Variants in VPS53 observed in about 807,000 individuals in gnomAD.
VPS53 encodes VPS53 subunit of GARP complex.
A neutral mutation model predicts 107.0 loss-of-function variants in VPS53; 70 were observed. The ratio of observed to expected loss-of-function variants is 0.65; its 90% CI spans 0.54 to 0.80. The LOEUF is 0.80. VPS53 is among the 30% of genes least tolerant of loss of function. VPS53 has a pLI of 0.00. For missense variants in VPS53, 917 were observed against 1,049.4 expected, an observed-to-expected ratio of 0.87 and a Z score of 1.74; for synonymous variants, 409 against 393.3, an observed-to-expected ratio of 1.04 and a Z score of -0.47.
chr17:678,651 T>TA (rs1194533551), intron 4 of VPS53, among the ~76,000 whole-genome samples: 73 of 148,200 alleles, frequency 4.9e-4, no homozygotes, highest in East Asian at 3.0e-3. Context: ...TATATATATA[T>TA]TTTTTTGAGA....
intron 4 of VPS53, among the ~76,000 whole-genome samples, chr17:662,820 AG>A (rs1365573833): frequency 1.2e-3 from 178 of 148,444 alleles, no homozygotes; most frequent in Middle Eastern, 3.4e-3. Flanking sequence ...AAAGAAAGAA[AG>A]AGAAAGAGAA....
At chr17:599,291 C>T (rs62056471) in intron 12 of VPS53, among the ~76,000 whole-genome samples, 20,940 of 152,034 alleles carry the variant, frequency 0.14, 1,707 homozygotes, top group South Asian at 0.23. Context: ...ATGACAATGG[C>T]GGCTTTGTGG....
chr17:666,015 A>C (rs1397494998), intron 4 of VPS53, among the ~76,000 whole-genome samples: 1 of 152,176 alleles, frequency 6.6e-6, no homozygotes. Context: ...GACCAAAAAA[A>C]AAGATAGCTT....
intron 18 of VPS53, among the ~76,000 whole-genome samples, chr17:533,660 T>C (rs4968124): frequency 0.6 from 90,762 of 152,056 alleles, 29,969 homozygotes; most frequent in African/African-American, 0.88. Context: ...ACATGGAGTC[T>C]GCAGGCCTCC....
chr17:664,247 T>G (rs1004622212), intron 4 of VPS53, among the ~76,000 whole-genome samples: 10 of 151,846 alleles, frequency 6.6e-5, no homozygotes, highest in African/African-American at 1.9e-4. Flanking sequence ...CCTGGCTAAT[T>G]TTTTGTATTT....
chr17:539,166 C>T (rs532994977), intron 17 of VPS53: 2 of 152,318 alleles, frequency 1.3e-5, no homozygotes, highest in East Asian at 1.9e-4. Context: ...AATCTCAAAA[C>T]GGTTTATCAA....
intron 4 of VPS53, among the ~76,000 whole-genome samples, chr17:682,500 G>A (rs1044858907): frequency 2.0e-5 from 3 of 152,262 alleles, no homozygotes; most frequent in East Asian, 1.9e-4. Flanking sequence ...TAAGGAAGAC[G>A]GGGGTGCCAC....
chr17:645,264 G>A (rs767877823), intron 7 of VPS53, among the ~76,000 whole-genome samples: 13 of 152,162 alleles, frequency 8.5e-5, no homozygotes, highest in African/African-American at 2.7e-4. Context: ...ACGTCCTAAC[G>A]GGGGCATCTT....
intron 17 of VPS53, among the ~76,000 whole-genome samples, chr17:540,103 A>G (rs1402362254): frequency 6.6e-6 from 1 of 151,576 alleles, no homozygotes; most frequent in Admixed American, 6.6e-5. Context: ...AAAGAATAAA[A>G]GCACTTAACT....
chr17:567,408 A>G (rs1913624960), intron 13 of VPS53, among the ~76,000 whole-genome samples: 2 of 152,174 alleles, frequency 1.3e-5, no homozygotes, highest in South Asian at 4.1e-4. Context: ...GAAAATCAGT[A>G]GCCAGTATTT....
At chr17:599,903 AC>A (rs1318729183) in intron 12 of VPS53, 3 of 152,280 alleles carry the variant, frequency 2.0e-5, no homozygotes, top group Non-Finnish European at 2.9e-5. Context: ...ATTAGCTCTC[AC>A]TAAAGACAAG....
intron 4 of VPS53, among the ~76,000 whole-genome samples, chr17:667,615 G>A (rs910744306): frequency 9.2e-6 from 1 of 108,374 alleles, no homozygotes; most frequent in Non-Finnish European, 1.7e-5. Context: ...AGGGGGCAAT[G>A]GGTTAATTAC....
At position 654,736 on chromosome 17, in the gene VPS53, C is replaced by CAA. The variant is rs35308893; in HGVS notation, c.488+1100_488+1101dup. Among the ~76,000 whole-genome samples, 287 of 67,354 alleles carry CAA rather than the reference C, an allele frequency of 4.3e-3. 5 individuals carry two copies. The highest frequency in any genetic ancestry group is 9.5e-3 in the African/African-American group (218 of 22,928). The allele number at this position is 67,354 out of a possible 152,430, so 44.2% of individuals were successfully genotyped here. A position where few individuals can be genotyped will look rare whatever the true frequency, so the allele number is the denominator to read the frequency against. ...TGGGCGACAGAGCCAGACTCCAACT[C>CAA]AAAAAAAAAAAAAAAAAAGAAAAAA... is the stretch of plus-strand genomic sequence containing the variant. On this transcript the variant is annotated intron_variant, in intron 6 of 21. Transcript: ENST00000437048.
chr17:541,453 G>A (rs893015396), intron 17 of VPS53, among the ~76,000 whole-genome samples: 6 of 149,506 alleles, frequency 4.0e-5, no homozygotes, highest in Non-Finnish European at 7.4e-5. Context: ...AGGCACTGAA[G>A]GAACGTTTAT....
intron 11 of VPS53, among the ~76,000 whole-genome samples, chr17:620,133 GA>G (rs150466863): frequency 6.6e-6 from 1 of 152,178 alleles, no homozygotes; most frequent in Admixed American, 6.5e-5. Flanking sequence ...TGCTAAGTAG[GA>G]AAAGAGTGCT....
chr17:615,601 TG>T (rs1033714982), intron 11 of VPS53, among the ~76,000 whole-genome samples: 2 of 152,224 alleles, frequency 1.3e-5, no homozygotes, highest in African/African-American at 4.8e-5. Context: ...ACCTGTTTTG[TG>T]GCACCTTTCT....
chr17:650,051 C>T (rs1750074553), intron 7 of VPS53, among the ~76,000 whole-genome samples: 1 of 152,176 alleles, frequency 6.6e-6, no homozygotes, highest in Admixed American at 6.5e-5. Context: ...AATTAAGAGA[C>T]ATGGCAGCAG....
In VPS53 at chr17:653,313, G is replaced by C. The variant is rs141169329; in HGVS notation, c.586C>G (p.Gln196Glu). The change falls in exon 7 of 22, where the codon CAG (glutamine) becomes GAG (glutamate). Residue 196 changes from glutamine to glutamate, a missense_variant. Coordinates refer to ENST00000437048, the MANE Select transcript of VPS53 (RefSeq NM_001128159.3). ...EHFHKYMGIP[Q>E]IRQLSERVKA... ...TACCTTTCGGAAAGCTGCCGGATCT[G>C]CGGAATCCCCATATACTTGTGGAAG... The C allele has an allele frequency of 2.5e-6, 4 of 1,613,988 alleles. No individual in the cohort carries two copies. The highest frequency in any genetic ancestry group is 1.3e-5 in the African/African-American group (1 of 74,904).
At chr17:710,488 G>A in intron 2 of VPS53, 45 bp downstream of exon 2, 1 of 1,482,142 alleles carries the variant, frequency 6.7e-7, no homozygotes, top group East Asian at 2.3e-5. Flanking sequence ...CACCCAAGAT[G>A]TGCCAAAAGC....
Sources: allele counts gnomAD v4.1 joint callset (sites outside exome capture counted in the v4.1 genomes callset), GRCh38; gene constraint gnomAD v4.1.1; transcripts MANE v1.5; gene names NCBI Gene and HGNC (gene_info 2026-07-23, HGNC 2026-07-21).